MED1: variants seen among roughly 807,000 people sequenced by gnomAD.
MED1 encodes the protein mediator complex subunit 1, also known as mediator of RNA polymerase II transcription subunit 1.
A neutral mutation model predicts 121.3 loss-of-function variants in MED1; 17 were observed. The ratio of observed to expected loss-of-function variants is 0.14; its 90% CI spans 0.10 to 0.21. The LOEUF (loss-of-function observed/expected upper bound fraction) is 0.21. Among genes scored for constraint, MED1 ranks in the 10% least tolerant of loss-of-function variants. The probability of loss-of-function intolerance (pLI) is 1.00; values close to 1 mark genes in which losing one functional copy is unlikely to be tolerated. For synonymous variants in MED1, 661 were observed against 694.4 expected, an observed-to-expected ratio of 0.95 and a Z score of 0.76; for missense variants, 1,558 against 1,919.4, an observed-to-expected ratio of 0.81 and a Z score of 3.52.
At chr17:39,412,038 G>C (rs184109432) in intron 16 of MED1, among the ~76,000 whole-genome samples, 132 of 150,512 alleles carry the variant, frequency 8.8e-4, no homozygotes, top group African/African-American at 3.0e-3. Context: ...AAAATCTCTT[G>C]ACCCATTAAG....
intron 14 of MED1, among the ~76,000 whole-genome samples, chr17:39,418,754 T>C (rs2048434009): frequency 1.3e-5 from 2 of 151,946 alleles, no homozygotes; most frequent in Admixed American, 6.6e-5. Context: ...AGATTATCAT[T>C]CAGTTCATCT....
chr17:39,433,224 C>T (rs2048584143), intron 7 of MED1, among the ~76,000 whole-genome samples: 1 of 151,096 alleles, frequency 6.6e-6, no homozygotes, highest in African/African-American at 2.4e-5. Context: ...TAATAATTAG[C>T]CGGGCGTGGT....
At chr17:39,419,600 G>GAAA in intron 14 of MED1, 117 bp downstream of exon 14, 30 of 828,476 alleles carry the variant, frequency 3.6e-5, no homozygotes, top group Non-Finnish European at 5.0e-5. Flanking sequence ...TGCCAAATAT[G>GAAA]AAAAAAAAAA....
At position 39,440,017 on chromosome 17, in the gene MED1, GGAAA is replaced by G. The variant is rs760135589; in HGVS notation, c.399+365_399+368del. Among the ~76,000 whole-genome samples, 38,586 of 127,960 alleles carry G rather than the reference GGAAA, an allele frequency of 0.3. 6,549 individuals are homozygous for G. The highest frequency in any genetic ancestry group is 0.44 in the South Asian group (1,678 of 3,822). The allele number at this position is 127,960 out of a possible 152,430, so 83.9% of individuals were successfully genotyped here. The stretch of plus-strand genomic sequence containing the variant: ...AGGAAGGAAGGAAGGAAGGAAGGAA[GGAAA>G]GAAAGAAAGAAAGAGAGAAAGAGAA... On this transcript the variant is annotated intron_variant, in intron 5 of 16. Coordinates refer to ENST00000300651, the MANE Select transcript of MED1 (RefSeq NM_004774.4). This position sits in a 1 kb window ranked among gnomAD's most constrained non-coding sequence, Gnocchi z 4.1.
At chr17:39,432,802 C>T (rs1424877990) in intron 7 of MED1, among the ~76,000 whole-genome samples, 4 of 151,420 alleles carry the variant, frequency 2.6e-5, no homozygotes, top group African/African-American at 7.3e-5. Context: ...CGGTGGCTCA[C>T]GCCTGTAATC....
chr17:39,404,518 C>G lies in MED1; in HGVS notation c.*2957G>C, dbSNP rs1302727928. On this transcript the variant is annotated 3_prime_UTR_variant, in exon 17 of 17. Coordinates refer to ENST00000300651, the MANE Select transcript of MED1 (RefSeq NM_004774.4). Reference sequence around the variant, plus strand: ...TAAACTCAAAATTTAAAGCTCAGTTCTTATAGCTGAGCATGTTTCCCAATC... The same window carrying G: ...TAAACTCAAAATTTAAAGCTCAGTTGTTATAGCTGAGCATGTTTCCCAATC... 1.3e-5 allele frequency: 2 copies of G among 152,260 alleles called. No individual in the cohort carries two copies. Among genetic ancestry groups the G allele is most frequent in the Non-Finnish European group, 2.9e-5 (2 of 68,020 alleles). The allele number at this position is 152,260 out of a possible 1,614,324, so 9.4% of individuals were successfully genotyped here.
chr17:39,430,318 G>A (rs2048553727), intron 9 of MED1, among the ~76,000 whole-genome samples: 1 of 152,124 alleles, frequency 6.6e-6, no homozygotes, highest in South Asian at 2.1e-4. Context: ...CCAGGAGGCA[G>A]AGGTTACAGT....
chr17:39,436,750 A>G (rs1597870098), intron 6 of MED1, among the ~76,000 whole-genome samples: 1 of 151,826 alleles, frequency 6.6e-6, no homozygotes, highest in East Asian at 1.9e-4. Context: ...CCTTCTATTT[A>G]TTTTGTTCCA....
rs2048334776 is a variant in MED1 at position 39,409,430 on chromosome 17, A to C, written c.2791T>G (p.Phe931Val). The stretch of plus-strand genomic sequence containing the variant: ...TTGCCGGCTACTGAAATAATACTGA[A>C]ATCAACTGTGTCGGCTTGGTTATTG... ...KGNNQADTVDFSIISVAGKAL... is the reference protein window; with the variant it reads ...KGNNQADTVDVSIISVAGKAL... The change falls in exon 17 of 17, where the codon TTC (phenylalanine) becomes GTC (valine). Residue 931 changes from phenylalanine (F) to valine (V), a missense_variant. By Grantham distance (50) the Phe-to-Val change is conservative. Transcript: ENST00000300651. 6.2e-7 allele frequency: 1 copy of C among 1,613,918 alleles called. No homozygotes were observed. Among genetic ancestry groups the C allele is most frequent in the African/African-American group, 1.3e-5 (1 of 74,860 alleles).
At chr17:39,422,868 T>TC (rs1213982744) in intron 13 of MED1, among the ~76,000 whole-genome samples, 3 of 141,890 alleles carry the variant, frequency 2.1e-5, no homozygotes, top group Admixed American at 7.1e-5. Context: ...GATTTCTTTT[T>TC]TTTTTTTTTT....
chr17:39,431,878 G>A, intron 8 of MED1, 64 bp downstream of exon 8: 1 of 1,127,884 alleles, frequency 8.9e-7, no homozygotes, highest in Non-Finnish European at 1.3e-6. Context: ...TATAAAATAG[G>A]ACCCTAATCT....
chr17:39,431,219 A>G, intron 8 of MED1, 31 bp from the exon 9 acceptor site: 1 of 1,541,204 alleles, frequency 6.5e-7, no homozygotes, highest in Non-Finnish European at 9.0e-7. Context: ...GTTTGCTTAT[A>G]TTTAATCCCT....
chr17:39,410,407 G>T lies in MED1; in HGVS notation c.1814C>A (p.Thr605Asn). The T allele has an allele frequency of 6.2e-7, 1 of 1,614,052 alleles. No individual in the cohort carries two copies. Among genetic ancestry groups the T allele is most frequent in the Non-Finnish European group, 8.5e-7 (1 of 1,180,010 alleles). ...FSKVSQNPIL[T>N]SLLQITGNGG... The stretch of plus-strand genomic sequence containing the variant: ...GTTCCCTGTGATTTGCAACAAACTG[G>T]TAAGAATTGGGTTCTGAGACACCTT... The change falls in exon 17 of 17, where the codon ACC (threonine) becomes AAC (asparagine). Residue 605 changes from threonine to asparagine, a missense_variant. Physicochemically the swap from Thr to Asn is moderately conservative, Grantham distance 65. This residue lies in a region of MED1 where 793 missense variants were observed against 898.2 expected (regional missense o/e 0.88). Coordinates refer to ENST00000300651, the MANE Select transcript of MED1 (RefSeq NM_004774.4).
chr17:39,411,987 A>G (rs1051826983), intron 16 of MED1, among the ~76,000 whole-genome samples: 1 of 148,104 alleles, frequency 6.8e-6, no homozygotes. Flanking sequence ...AGCCCAGGTG[A>G]CAGTACAAGA....
rs1000981178 is a variant in MED1 at position 39,406,078 on chromosome 17, C to G, written c.*1397G>C. On this transcript the variant is annotated 3_prime_UTR_variant, in exon 17 of 17. Transcript: ENST00000300651. ...AAATACTGAGAACTTCTGTTGCACT[C>G]GAAACAGTCTCCTGGATTTCTATAT... 2.0e-6 allele frequency: 2 copies of G among 985,336 alleles called. No homozygotes were observed. The allele number at this position is 985,336 out of a possible 1,614,324, so 61.0% of individuals were successfully genotyped here. A position where few individuals can be genotyped will look rare whatever the true frequency, so the allele number is the denominator to read the frequency against.
chr17:39,434,524 T>C (rs567383602), intron 6 of MED1, among the ~76,000 whole-genome samples: 1 of 152,288 alleles, frequency 6.6e-6, no homozygotes, highest in African/African-American at 2.4e-5. Flanking sequence ...CCTCCTCCAT[T>C]TTTTCTGGAG....
rs138959858 is a variant in MED1, at chr17:39,406,867, T to A, written c.*608A>T. On this transcript the variant is annotated 3_prime_UTR_variant, in exon 17 of 17. Transcript: ENST00000300651. ...GAAACACTGTATAAAAACAAACAGA[T>A]AAAGGGTTAAAATATTACAAATAAA... is the stretch of plus-strand genomic sequence containing the variant. 1.0e-6 allele frequency: 1 copy of A among 985,382 alleles called. No individual in the cohort carries two copies. Among genetic ancestry groups the A allele is most frequent in the Non-Finnish European group, 1.2e-6 (1 of 829,850 alleles). 61.0% of individuals were successfully genotyped at this position (985,382 alleles called of 1,614,324 possible).
chr17:39,411,726 A>AGAGTGGCT (rs1291770840), intron 16 of MED1, among the ~76,000 whole-genome samples: 4 of 150,604 alleles, frequency 2.7e-5, no homozygotes, highest in African/African-American at 9.8e-5. Flanking sequence ...TCCGCCGGTC[A>AGAGTGGCT]GAGTGGCTCA....
intron 14 of MED1, among the ~76,000 whole-genome samples, 167 bp downstream of exon 14, chr17:39,419,550 G>A (rs1401231798): frequency 6.6e-6 from 1 of 151,654 alleles, no homozygotes; most frequent in African/African-American, 2.4e-5. Context: ...TGGGACTACA[G>A]TCGTGCACCA....
Sources: gnomAD v4.1 joint callset for allele counts (sites outside exome capture counted in the v4.1 genomes callset) on GRCh38, gnomAD v4.1.1 for gene constraint, gnomAD v4.1.1 regional missense constraint, Gnocchi (gnomAD v3.1) non-coding constraint, MANE v1.5 for transcripts, NCBI Gene and HGNC (gene_info 2026-07-23, HGNC 2026-07-21) for gene names.